The following CCR3 variants were observed in gnomAD, a reference collection of about 807,000 sequenced individuals.
CCR3 encodes the protein C-C motif chemokine receptor 3, also known as C-C chemokine receptor type 3.
For synonymous variants in CCR3, 203 were observed against 179.2 expected (o/e 1.13, Z -1.06); for missense variants, 419 against 437.5 (o/e 0.96, Z 0.38).
intron 1 of CCR3, among the ~76,000 whole-genome samples, chr3:46,256,693 G>A (rs1700431987): frequency 6.6e-6 from 1 of 152,010 alleles, no homozygotes; most frequent in Non-Finnish European, 1.5e-5. Context: ...TAAATAAATT[G>A]CGTAAAAAAT....
chr3:46,265,560 C>T lies in CCR3; in HGVS notation c.402C>T (p.Ala134=). 2 of 1,614,104 alleles carry T rather than the reference C, an allele frequency of 1.2e-6. No homozygotes were observed. Among genetic ancestry groups the T allele is most frequent in the East Asian group, 2.2e-5 (1 of 44,866 alleles). Residue 134 remains alanine, a synonymous_variant, in exon 2 of 2, where the codon GCC becomes GCT. Coordinates refer to ENST00000395940, the MANE Select transcript of CCR3 (RefSeq NM_178329.3). ...IILLTIDRYL[A]IVHAVFALRA... Reference sequence around the variant, plus strand: ...TGCTGACAATCGACAGGTACCTGGCCATTGTCCATGCTGTGTTTGCCCTTC... The same window carrying T: ...TGCTGACAATCGACAGGTACCTGGCTATTGTCCATGCTGTGTTTGCCCTTC...
chr3:46,259,852 G>A (rs1388842720), intron 1 of CCR3, among the ~76,000 whole-genome samples: 2 of 152,196 alleles, frequency 1.3e-5, no homozygotes, highest in Admixed American at 1.3e-4. Context: ...AAAGTGACAA[G>A]TAAAAGATTT....
chr3:46,214,091 G>T (rs550209404), intron 2 of CCR3, among the ~76,000 whole-genome samples: 1 of 152,202 alleles, frequency 6.6e-6, no homozygotes, highest in African/African-American at 2.4e-5. Flanking sequence ...TGTATCCAAA[G>T]CATCCTTAAT....
rs529496808 is a variant in CCR3, at chr3:46,242,963, G to GTATATATATATACACA, written c.-12+437_-12+438insCACATATATATATATA. Among the ~76,000 whole-genome samples, 243 of 86,284 alleles carry GTATATATATATACACA rather than the reference G, an allele frequency of 2.8e-3. 4 individuals are homozygous for GTATATATATATACACA. Among genetic ancestry groups the GTATATATATATACACA allele is most frequent in the Admixed American group, 4.1e-3 (30 of 7,342 alleles). 56.6% of individuals were successfully genotyped at this position (86,284 alleles called of 152,430 possible). ...AAAATATAATTTTACATATATATGT[G>GTATATATATATACACA]TATATATATATATATACACATATAT... On this transcript the variant is annotated intron_variant, in intron 1 of 1. Coordinates refer to ENST00000395940, the MANE Select transcript of CCR3 (RefSeq NM_178329.3).
At chr3:46,222,403 C>T (rs1172208096) in intron 2 of CCR3, among the ~76,000 whole-genome samples, 1 of 152,162 alleles carries the variant, frequency 6.6e-6, no homozygotes, top group East Asian at 1.9e-4. Context: ...TTTAATTTGT[C>T]GCCCTCTTGC....
chr3:46,243,486 G>A (rs1465109951), intron 1 of CCR3, among the ~76,000 whole-genome samples: 1 of 152,052 alleles, frequency 6.6e-6, no homozygotes, highest in Non-Finnish European at 1.5e-5. Context: ...TGATTGATTT[G>A]GTGTCTTTTT....
At chr3:46,229,305 G>A (rs1699936138) in intron 2 of CCR3, among the ~76,000 whole-genome samples, 1 of 152,166 alleles carries the variant, frequency 6.6e-6, no homozygotes, top group Non-Finnish European at 1.5e-5. Flanking sequence ...CTGTATTAAT[G>A]TTTATCAATC....
At chr3:46,257,808 G>C (rs1700456594) in intron 1 of CCR3, among the ~76,000 whole-genome samples, 1 of 152,172 alleles carries the variant, frequency 6.6e-6, no homozygotes, top group Non-Finnish European at 1.5e-5. Flanking sequence ...TGGAGACCCT[G>C]GAATACAGGT....
At chr3:46,212,007 G>A (rs188714732) in intron 2 of CCR3, among the ~76,000 whole-genome samples, 127 of 152,186 alleles carry the variant, frequency 8.3e-4, no homozygotes, top group African/African-American at 2.8e-3. Context: ...TGGCCTGCTC[G>A]TTCCTCCTCT....
Position 46,265,872 on chromosome 3 carries a change from C to T in CCR3, c.714C>T (p.Ile238=). 1 of 1,614,108 alleles carries T rather than the reference C, an allele frequency of 6.2e-7. No individual in the cohort carries two copies. The change falls in exon 2 of 2, where the codon ATC becomes ATT. Residue 238 remains isoleucine, a synonymous_variant. Coordinates refer to ENST00000395940, the MANE Select transcript of CCR3 (RefSeq NM_178329.3). Reference sequence around the variant, plus strand: ...CCAGTAAAAAAAAGTACAAGGCCATCCGGCTCATTTTTGTCATCATGGCGG... The same window carrying T: ...CCAGTAAAAAAAAGTACAAGGCCATTCGGCTCATTTTTGTCATCATGGCGG... ...RCPSKKKYKA[I]RLIFVIMAVF...
intron 2 of CCR3, among the ~76,000 whole-genome samples, chr3:46,225,938 A>C (rs550828460): frequency 6.6e-6 from 1 of 152,130 alleles, no homozygotes; most frequent in African/African-American, 2.4e-5. Context: ...TTTTTTGAAA[A>C]GACTATCCCT....
At chr3:46,241,776 ACC>A (rs1700089277), upstream of CCR3, among the ~76,000 whole-genome samples, 1 of 152,064 alleles carries the variant, frequency 6.6e-6, no homozygotes, top group Non-Finnish European at 1.5e-5. Flanking sequence ...TGTCTACTGG[ACC>A]CTGCAGAATA....
chr3:46,244,193 T>C (rs534608775), intron 1 of CCR3, among the ~76,000 whole-genome samples: 2 of 152,206 alleles, frequency 1.3e-5, no homozygotes, highest in Non-Finnish European at 2.9e-5. Flanking sequence ...GCAGAGCAAA[T>C]TGTGAATAAC....
chr3:46,239,766 C>A (rs1179267315), upstream of CCR3, among the ~76,000 whole-genome samples: 1 of 152,142 alleles, frequency 6.6e-6, no homozygotes, highest in East Asian at 1.9e-4. Flanking sequence ...CATTGATTAC[C>A]CTGTGAATGG....
intron 1 of CCR3, among the ~76,000 whole-genome samples, chr3:46,248,306 T>C (rs1425636495): frequency 1.3e-5 from 2 of 152,072 alleles, no homozygotes; most frequent in Non-Finnish European, 2.9e-5. Context: ...AAAATAGATT[T>C]TGGAAGTTAT....
At chr3:46,245,502 AAAAACAAAAC>A (rs139915793) in intron 1 of CCR3, among the ~76,000 whole-genome samples, 2 of 151,950 alleles carry the variant, frequency 1.3e-5, no homozygotes, top group Admixed American at 6.6e-5. Flanking sequence ...AAAGGCATAC[AAAAACAAAAC>A]AAAACAAAAC....
chr3:46,226,779 CTT>C (rs1365348127), intron 2 of CCR3, among the ~76,000 whole-genome samples: 1 of 151,914 alleles, frequency 6.6e-6, no homozygotes, highest in Non-Finnish European at 1.5e-5. Context: ...TCTCTAGACT[CTT>C]TGTAAATGCT....
Position 46,265,331 on chromosome 3 carries a change from T to A in CCR3, c.173T>A (p.Ile58Asn), listed in dbSNP as rs760043296. The A allele has an allele frequency of 1.2e-6, 2 of 1,614,106 alleles. No homozygotes were observed. The highest frequency in any genetic ancestry group is 4.5e-5 in the East Asian group (2 of 44,874). Residue 58 changes from isoleucine to asparagine, a missense_variant, in exon 2 of 2, where the codon ATC becomes AAC. Physicochemically the swap from Ile to Asn is moderately radical, Grantham distance 149. Coordinates refer to ENST00000395940, the MANE Select transcript of CCR3 (RefSeq NM_178329.3). ...TTGGGCAATGTGGTGGTGGTGATGATCCTCATAAAATACAGGAGGCTCCGA... is the reference window on the plus strand; with the variant it reads ...TTGGGCAATGTGGTGGTGGTGATGAACCTCATAAAATACAGGAGGCTCCGA... The part of the protein sequence containing the change: ...GLLGNVVVVM[I>N]LIKYRRLRIM...
intron 1 of CCR3, among the ~76,000 whole-genome samples, chr3:46,255,128 C>T (rs1844923): frequency 0.33 from 49,372 of 151,854 alleles, 8,624 homozygotes; most frequent in East Asian, 0.6. Flanking sequence ...TTTTGATTTG[C>T]ATTTCCCTGA....
Sources: allele counts gnomAD v4.1 joint callset (sites outside exome capture counted in the v4.1 genomes callset), GRCh38; gene constraint gnomAD v4.1.1; transcripts MANE v1.5; gene names NCBI Gene and HGNC (gene_info 2026-07-23, HGNC 2026-07-21).